The following HS6ST1 variants were observed in gnomAD, a reference collection of about 807,000 sequenced individuals.
HS6ST1 encodes the protein heparan sulfate 6-O-sulfotransferase 1, also known as heparan-sulfate 6-O-sulfotransferase 1.
A neutral mutation model predicts 25.2 loss-of-function variants in HS6ST1; 3 were observed. The observed-to-expected ratio is 0.12, with a 90% CI of 0.05 to 0.31. The LOEUF (loss-of-function observed/expected upper bound fraction) is 0.31, where lower values mean the gene tolerates loss of function less well. Ranked by LOEUF, HS6ST1 falls within the 10% of genes least tolerant of loss-of-function variation. The pLI, the probability that HS6ST1 is intolerant of heterozygous loss-of-function variation, is 1.00. For synonymous variants in HS6ST1, 204 were observed against 275.1 expected, an observed-to-expected ratio of 0.74 and a Z score of 2.56; for missense variants, 310 against 609.6, an observed-to-expected ratio of 0.51 and a Z score of 5.18.
At chr2:128,278,783 A>G (rs1693734934) in intron 1 of HS6ST1, among the ~76,000 whole-genome samples, 1 of 152,170 alleles carries the variant, frequency 6.6e-6, no homozygotes, top group South Asian at 2.1e-4. Flanking sequence ...ACCACCCAGG[A>G]CAGAAATGGA....
rs1299932155 is a variant in HS6ST1, at chr2:128,266,754, CAGGGTGCCTGTGTGGGCCCTCCT to C, written c.*1385_*1407del. The C allele has an allele frequency of 1.3e-5, 2 of 152,356 alleles. No homozygotes were observed. Among genetic ancestry groups the C allele is most frequent in the African/African-American group, 4.8e-5 (2 of 41,432 alleles). The allele number at this position is 152,356 out of a possible 1,614,324, so 9.4% of individuals were successfully genotyped here. Reference sequence around the variant, plus strand: ...ACACCAATCTACTCTCTGGGGGATCCAGGGTGCCTGTGTGGGCCCTCCTAGAGACACCAGCTTGGCCTCCTAGG... The same window carrying C: ...ACACCAATCTACTCTCTGGGGGATCCAGAGACACCAGCTTGGCCTCCTAGG... On this transcript the variant is annotated 3_prime_UTR_variant, in exon 2 of 2. Transcript: ENST00000259241.
chr2:128,311,747 C>T (rs1163151373), intron 1 of HS6ST1, among the ~76,000 whole-genome samples: 1 of 152,204 alleles, frequency 6.6e-6, no homozygotes. Flanking sequence ...GACACTGGAG[C>T]AGAGGGATGG....
chr2:128,268,943 C>CA, intron 1 of HS6ST1, 73 bp from the exon 2 acceptor site: 1 of 1,283,824 alleles, frequency 7.8e-7, no homozygotes, highest in Non-Finnish European at 1.1e-6. Flanking sequence ...TGCTCTGAGT[C>CA]AAAGTCCCCA....
intron 1 of HS6ST1, among the ~76,000 whole-genome samples, chr2:128,290,705 C>T (rs759494200): frequency 4.6e-5 from 7 of 151,364 alleles, no homozygotes; most frequent in Middle Eastern, 3.4e-3. Flanking sequence ...GGCGTGGTAG[C>T]TCACACTTGT....
Position 128,268,789 on chromosome 2 carries a change from C to T in HS6ST1, c.609G>A (p.Thr203=), listed in dbSNP as rs571374301. 4.3e-6 allele frequency: 7 copies of T among 1,612,886 alleles called. No homozygotes were observed. The highest frequency in any genetic ancestry group is 1.7e-4 in the Middle Eastern group (1 of 6,014). ...SEWRHVQRGA[T]WKTSLHMCDG... ...CACACATATGCAACGACGTCTTCCACGTGGCACCCCTCTGCACATGCCGCC... is the reference window on the plus strand; with the variant it reads ...CACACATATGCAACGACGTCTTCCATGTGGCACCCCTCTGCACATGCCGCC... Residue 203 remains threonine (T), a synonymous_variant, in exon 2 of 2, where the codon ACG becomes ACA. Coordinates refer to ENST00000259241, the MANE Select transcript of HS6ST1 (RefSeq NM_004807.3).
intron 1 of HS6ST1, among the ~76,000 whole-genome samples, chr2:128,291,656 G>T (rs1402385562): frequency 1.3e-5 from 2 of 152,222 alleles, no homozygotes; most frequent in African/African-American, 4.8e-5. Flanking sequence ...CAGGGCACAG[G>T]CTGTGTGCCT....
In HS6ST1 at chr2:128,267,289, G is replaced by A. The variant is rs1693533948; in HGVS notation, c.*873C>T. The A allele has an allele frequency of 6.6e-6, 1 of 152,188 alleles. No individual in the cohort carries two copies. Among genetic ancestry groups the A allele is most frequent in the Non-Finnish European group, 1.5e-5 (1 of 68,026 alleles). 9.4% of individuals were successfully genotyped at this position (152,188 alleles called of 1,614,324 possible). A position where few individuals can be genotyped will look rare whatever the true frequency, so the allele number is the denominator to read the frequency against. On this transcript the variant is annotated 3_prime_UTR_variant, in exon 2 of 2. Coordinates refer to ENST00000259241, the MANE Select transcript of HS6ST1 (RefSeq NM_004807.3). ...GAGGCAGGGGAGCCCTCGGTCCCCA[G>A]CCCTTCCAGTCTGAGCCAGGCCTGC...
chr2:128,305,867 C>T (rs757510019), intron 1 of HS6ST1, among the ~76,000 whole-genome samples: 7 of 152,192 alleles, frequency 4.6e-5, no homozygotes, highest in Admixed American at 1.3e-4. Flanking sequence ...GACTCCCTGG[C>T]GAGCCCACCT....
At chr2:128,312,919 C>T (rs1558882349) in intron 1 of HS6ST1, among the ~76,000 whole-genome samples, 1 of 152,056 alleles carries the variant, frequency 6.6e-6, no homozygotes, top group Non-Finnish European at 1.5e-5. Context: ...AAAAATTAGC[C>T]AAGTGTAGTG....
intron 1 of HS6ST1, among the ~76,000 whole-genome samples, chr2:128,314,838 C>T (rs959747003): frequency 1.4e-4 from 21 of 152,338 alleles, no homozygotes; most frequent in African/African-American, 4.8e-4. Flanking sequence ...CTCCGTGGCC[C>T]CAAATGAAGC....
At chr2:128,317,371 G>A (rs1408583741) in intron 1 of HS6ST1, among the ~76,000 whole-genome samples, 1 of 152,216 alleles carries the variant, frequency 6.6e-6, no homozygotes, top group Non-Finnish European at 1.5e-5. Flanking sequence ...GGTGGCTTTT[G>A]TTCCTCTCTC....
chr2:128,300,372 C>T (rs564119823), intron 1 of HS6ST1, among the ~76,000 whole-genome samples: 11 of 152,276 alleles, frequency 7.2e-5, no homozygotes, highest in Non-Finnish European at 1.0e-4. Context: ...CCCAAACCAG[C>T]GCCGCCTTGG....
rs1693528250 is a variant in HS6ST1, at chr2:128,267,048, A to C, written c.*1114T>G. On this transcript the variant is annotated 3_prime_UTR_variant, in exon 2 of 2. Coordinates refer to ENST00000259241, the MANE Select transcript of HS6ST1 (RefSeq NM_004807.3). ...TGCCAAGGCTAGTTGAGAATCTGAAAGCTCGAGTCCCAGTTCCTGGCCATA... is the reference window on the plus strand; with the variant it reads ...TGCCAAGGCTAGTTGAGAATCTGAACGCTCGAGTCCCAGTTCCTGGCCATA... 1 of 152,200 alleles carries C rather than the reference A, an allele frequency of 6.6e-6. No individual in the cohort carries two copies. The highest frequency in any genetic ancestry group is 6.5e-5 in the Admixed American group (1 of 15,276). The allele number at this position is 152,200 out of a possible 1,614,324, so 9.4% of individuals were successfully genotyped here.
At chr2:128,270,331 G>A (rs1310530569) in intron 1 of HS6ST1, among the ~76,000 whole-genome samples, 2 of 152,282 alleles carry the variant, frequency 1.3e-5, no homozygotes, top group South Asian at 2.1e-4. Context: ...GATAAGCTGT[G>A]GGCAGCAGGG....
At position 128,265,916 on chromosome 2, in the gene HS6ST1, T is replaced by C. The variant is rs1453123344; in HGVS notation, c.*2246A>G. 1 of 151,672 alleles carries C rather than the reference T, an allele frequency of 6.6e-6. No homozygotes were observed. The highest frequency in any genetic ancestry group is 1.5e-5 in the Non-Finnish European group (1 of 67,856). 9.4% of individuals were successfully genotyped at this position (151,672 alleles called of 1,614,324 possible). Reference sequence around the variant, plus strand: ...CAAAGCAGGTGGCCTGAATGGGAAGTGCCAGGCTGGACACTTGGGGGCTGA... The same window carrying C: ...CAAAGCAGGTGGCCTGAATGGGAAGCGCCAGGCTGGACACTTGGGGGCTGA... On this transcript the variant is annotated 3_prime_UTR_variant, in exon 2 of 2. Transcript: ENST00000259241.
At chr2:128,299,102 G>A (rs1020354312) in intron 1 of HS6ST1, among the ~76,000 whole-genome samples, 3 of 152,260 alleles carry the variant, frequency 2.0e-5, no homozygotes, top group African/African-American at 4.8e-5. Flanking sequence ...GCCCAGGGCC[G>A]AGGTGTGACC....
intron 1 of HS6ST1, among the ~76,000 whole-genome samples, chr2:128,313,001 T>C (rs1402931720): frequency 6.6e-6 from 1 of 152,024 alleles, no homozygotes; most frequent in African/African-American, 2.4e-5. Flanking sequence ...AGGCAGAGGT[T>C]GCAGTGAGCT....
chr2:128,300,811 C>A (rs1694114127), intron 1 of HS6ST1, among the ~76,000 whole-genome samples: 1 of 152,220 alleles, frequency 6.6e-6, no homozygotes, highest in South Asian at 2.1e-4. Flanking sequence ...CTCCTCCCAG[C>A]TGCTCTGGGC....
At chr2:128,302,151 T>C (rs1694140016) in intron 1 of HS6ST1, among the ~76,000 whole-genome samples, 2 of 152,172 alleles carry the variant, frequency 1.3e-5, no homozygotes, top group Non-Finnish European at 2.9e-5. Context: ...GGCCAGGTGC[T>C]GTGCTCCAAG....
Sources: gnomAD v4.1 joint callset for allele counts (sites outside exome capture counted in the v4.1 genomes callset) on GRCh38, gnomAD v4.1.1 for gene constraint, MANE v1.5 for transcripts, NCBI Gene and HGNC (gene_info 2026-07-23, HGNC 2026-07-21) for gene names.